The following MYT1 variants were observed in gnomAD, a reference collection of about 807,000 sequenced individuals.
MYT1 encodes myelin transcription factor 1.
Under a neutral mutation model 123.0 loss-of-function variants are expected in MYT1, and 23 were observed. The observed-to-expected ratio is 0.19, with a 90% CI of 0.13 to 0.26. The LOEUF (loss-of-function observed/expected upper bound fraction) is 0.26, where lower values mean the gene tolerates loss of function less well. Ranked by LOEUF, MYT1 falls within the 10% of genes least tolerant of loss-of-function variation. The probability of loss-of-function intolerance (pLI) is 1.00; values close to 1 mark genes in which losing one functional copy is unlikely to be tolerated. For synonymous variants in MYT1, 518 were observed against 575.3 expected (o/e 0.90, Z 1.43); for missense variants, 1,125 against 1,472.5 (o/e 0.76, Z 3.86).
chr20:64,189,610 C>T lies in MYT1; in HGVS notation c.-98-453C>T, dbSNP rs1276669131. Among the ~76,000 whole-genome samples the T allele has an allele frequency of 6.6e-6, 1 of 152,214 alleles. No homozygotes were observed. Among genetic ancestry groups the T allele is most frequent in the Non-Finnish European group, 1.5e-5 (1 of 68,040 alleles). On this transcript the variant is annotated intron_variant, in intron 1 of 22. Transcript: ENST00000328439. The surrounding 1 kb of genome is among the most constrained non-coding windows in gnomAD (Gnocchi z 5.5). Reference sequence around the variant, plus strand: ...TGGGCTCCAGAGAAGTCGTGCAAAACAATCTTCTTTTTCAAATGCATATGT... The same window carrying T: ...TGGGCTCCAGAGAAGTCGTGCAAAATAATCTTCTTTTTCAAATGCATATGT...
intron 12 of MYT1, 58 bp from the exon 13 acceptor site, chr20:64,219,655 A>G (rs1054257603): frequency 2.1e-6 from 3 of 1,453,308 alleles, no homozygotes; most frequent in Non-Finnish European, 2.9e-6. Context: ...CAAATGGACC[A>G]GAAGGCACAC....
Position 64,213,396 on chromosome 20 carries a change from G to C in MYT1, c.1518-138G>C, listed in dbSNP as rs185764071. ...CTGCAGAATGACAGGGTTATTCCCG[G>C]CTCTGGGCTTCTCTGGAGTTCACCT... On this transcript the variant is annotated intron_variant, in intron 9 of 22. Transcript: ENST00000328439. This position sits in a 1 kb window ranked among gnomAD's most constrained non-coding sequence, Gnocchi z 5.6. The C allele has an allele frequency of 1.1e-5, 7 of 636,650 alleles. No homozygotes were observed. The highest frequency in any genetic ancestry group is 1.1e-4 in the East Asian group (4 of 36,606). The allele number at this position is 636,650 out of a possible 1,614,324, so 39.4% of individuals were successfully genotyped here.
At position 64,232,204 on chromosome 20, in the gene MYT1, G is replaced by A. The variant is rs1435997695; in HGVS notation, c.2716G>A (p.Gly906Arg). ...PGCVGLGHIS[G>R]KYASHRSASG... Reference sequence around the variant, plus strand: ...CTGTGTGGGGCTCGGTCACATCAGCGGGAAATACGCCTCTCACAGGAGCGC... The same window carrying A: ...CTGTGTGGGGCTCGGTCACATCAGCAGGAAATACGCCTCTCACAGGAGCGC... The change falls in exon 19 of 23, where the codon GGG becomes AGG. Residue 906 changes from glycine to arginine, a missense_variant. This residue lies in a region of MYT1 where 243 missense variants were observed against 323.1 expected (regional missense o/e 0.75). Transcript: ENST00000328439. The surrounding 1 kb of genome is among the most constrained non-coding windows in gnomAD (Gnocchi z 6.9). 6 of 1,612,458 alleles carry A rather than the reference G, an allele frequency of 3.7e-6. No homozygotes were observed. The highest frequency in any genetic ancestry group is 1.3e-5 in the African/African-American group (1 of 74,712).
intron 19 of MYT1, among the ~76,000 whole-genome samples, chr20:64,234,925 G>A (rs1486200784): frequency 1.3e-5 from 2 of 148,832 alleles, no homozygotes; most frequent in Non-Finnish European, 3.0e-5. Flanking sequence ...GTGACCCTTG[G>A]CTGGCCATGG....
chr20:64,179,933 C>T (rs1982590358), intron 1 of MYT1, among the ~76,000 whole-genome samples: 1 of 49,032 alleles, frequency 2.0e-5, no homozygotes, highest in Admixed American at 3.0e-4. Context: ...TACACACATG[C>T]TACACACACA....
intron 7 of MYT1, among the ~76,000 whole-genome samples, chr20:64,209,531 C>G (rs969382808): frequency 6.6e-6 from 1 of 152,152 alleles, no homozygotes; most frequent in Admixed American, 6.5e-5. Flanking sequence ...AGTGGGAGTT[C>G]TTGGTGCTCT....
Position 64,205,101 on chromosome 20 carries a change from A to G in MYT1, c.149+4A>G, listed in dbSNP as rs200531229. 1.1e-5 allele frequency: 17 copies of G among 1,614,000 alleles called. No individual in the cohort carries two copies. The East Asian group carries it at 3.8e-4, about 36-fold the overall frequency. ...GCAAGTACTCCAGGCACCGAAGGTA[A>G]GAGGACCCTTGGATCTCACGGAGAT... On this transcript the variant is annotated splice_donor_region_variant and intron_variant, in intron 5 of 22. Transcript: ENST00000328439.
chr20:64,173,519 CTTCTCCTCCT>C (rs1398196577), intron 1 of MYT1, among the ~76,000 whole-genome samples: 18 of 128,140 alleles, frequency 1.4e-4, no homozygotes, highest in Non-Finnish European at 2.7e-4. Context: ...CCCTCCCTGA[CTTCTCCTCCT>C]GCAGCATCCT....
At chr20:64,171,099 A>C (rs1213428762) in intron 1 of MYT1, among the ~76,000 whole-genome samples, 1 of 146,776 alleles carries the variant, frequency 6.8e-6, no homozygotes, top group East Asian at 2.0e-4. Context: ...TTTTTTTTTT[A>C]ACAGAGATGG....
In MYT1 at chr20:64,196,830, C is replaced by T. The variant is rs1254579774; in HGVS notation, c.1-2032C>T. Among the ~76,000 whole-genome samples, 2 of 152,172 alleles carry T rather than the reference C, an allele frequency of 1.3e-5. No homozygotes were observed. The highest frequency in any genetic ancestry group is 2.4e-5 in the African/African-American group (1 of 41,428). On this transcript the variant is annotated intron_variant, in intron 2 of 22. Transcript: ENST00000328439. This position sits in a 1 kb window ranked among gnomAD's most constrained non-coding sequence, Gnocchi z 4.3. ...TTTATCTGCAGGAAATCCAAATTGCCAAGGCACGCTTTAACCTAGCAGAAT... is the reference window on the plus strand; with the variant it reads ...TTTATCTGCAGGAAATCCAAATTGCTAAGGCACGCTTTAACCTAGCAGAAT...
rs1983004754 is a variant in MYT1, at chr20:64,192,821, C to G, written c.-1+2661C>G. On this transcript the variant is annotated intron_variant, in intron 2 of 22. Transcript: ENST00000328439. This position sits in a 1 kb window ranked among gnomAD's most constrained non-coding sequence, Gnocchi z 5.3. ...ACAGAGGCTCCTGCAAGGGAAGGAG[C>G]TGCCACTGGGTATGGCCCTTCTGGC... Among the ~76,000 whole-genome samples, 1 of 152,254 alleles carries G rather than the reference C, an allele frequency of 6.6e-6. No individual in the cohort carries two copies. Among genetic ancestry groups the G allele is most frequent in the Non-Finnish European group, 1.5e-5 (1 of 68,040 alleles).
At position 64,196,265 on chromosome 20, in the gene MYT1, A is replaced by G. The variant is rs1983116132; in HGVS notation, c.1-2597A>G. On this transcript the variant is annotated intron_variant, in intron 2 of 22. Transcript: ENST00000328439. The surrounding 1 kb of genome is among the most constrained non-coding windows in gnomAD (Gnocchi z 4.3). ...AGCTGTCATTGTGTGGTGGGGGCAG[A>G]AGGTCTGGGGGGCTGCCGTCCAGGG... is the stretch of plus-strand genomic sequence containing the variant. 6.6e-6 allele frequency among the ~76,000 whole-genome samples: 1 copy of G among 151,650 alleles called. No individual in the cohort carries two copies. Among genetic ancestry groups the G allele is most frequent in the African/African-American group, 2.4e-5 (1 of 41,310 alleles).
intron 1 of MYT1, among the ~76,000 whole-genome samples, chr20:64,170,002 A>G (rs1465119668): frequency 7.2e-6 from 1 of 139,130 alleles, no homozygotes; most frequent in African/African-American, 2.6e-5. Context: ...CCAGGCTGCC[A>G]TGGAGGCTGC....
In MYT1 at chr20:64,212,753, C is replaced by T. The variant is rs940849060; in HGVS notation, c.1517+615C>T. Among the ~76,000 whole-genome samples the T allele has an allele frequency of 1.3e-5, 2 of 151,912 alleles. No homozygotes were observed. The highest frequency in any genetic ancestry group is 3.2e-3 in the Middle Eastern group (1 of 316). On this transcript the variant is annotated intron_variant, in intron 9 of 22. Transcript: ENST00000328439. This position sits in a 1 kb window ranked among gnomAD's most constrained non-coding sequence, Gnocchi z 6.8. The stretch of plus-strand genomic sequence containing the variant: ...AGGCCCAGGTGGAAGTGAAGCTTCC[C>T]GACCACCCTCGAGGTGTAGTTGTTG...
intron 1 of MYT1, among the ~76,000 whole-genome samples, chr20:64,180,134 TAC>T (rs1436359540): frequency 5.4e-5 from 8 of 149,440 alleles, no homozygotes; most frequent in South Asian, 2.1e-4. Context: ...TTATACATGC[TAC>T]ACACACGCTA....
At position 64,212,561 on chromosome 20, in the gene MYT1, T is replaced by C. The variant is rs528502712; in HGVS notation, c.1517+423T>C. 2.0e-5 allele frequency among the ~76,000 whole-genome samples: 3 copies of C among 152,230 alleles called. No individual in the cohort carries two copies. The highest frequency in any genetic ancestry group is 7.2e-5 in the African/African-American group (3 of 41,536). The stretch of plus-strand genomic sequence containing the variant: ...AGAGGAGGGAGCAATGCACCCTCTG[T>C]GAAGAGAGGTACAACAACCATGTGA... On this transcript the variant is annotated intron_variant, in intron 9 of 22. Coordinates refer to ENST00000328439, the MANE Select transcript of MYT1 (RefSeq NM_004535.3). This position sits in a 1 kb window ranked among gnomAD's most constrained non-coding sequence, Gnocchi z 6.8.
intron 12 of MYT1, 140 bp from the exon 13 acceptor site, chr20:64,219,573 C>T (rs1983935559): frequency 1.2e-5 from 9 of 740,350 alleles, no homozygotes; most frequent in East Asian, 5.4e-5. Context: ...TTTTCCCTCT[C>T]GCTGCCTGTC....
At chr20:64,227,321 G>A in intron 16 of MYT1, 94 bp from the exon 17 acceptor site, 1 of 1,198,248 alleles carries the variant, frequency 8.3e-7, no homozygotes, top group Non-Finnish European at 1.2e-6. Flanking sequence ...CTCAAGGGCT[G>A]AGCCCAGAAG....
In MYT1 at chr20:64,207,913, C is replaced by A; in HGVS notation, c.717C>A (p.Ser239=). 6.2e-7 allele frequency: 1 copy of A among 1,612,286 alleles called. No homozygotes were observed. The highest frequency in any genetic ancestry group is 8.5e-7 in the Non-Finnish European group (1 of 1,179,512). The change falls in exon 7 of 23, where the codon TCC becomes TCA. Residue 239 remains serine, a synonymous_variant. Coordinates refer to ENST00000328439, the MANE Select transcript of MYT1 (RefSeq NM_004535.3). The stretch of plus-strand genomic sequence containing the variant: ...GCTCCCAGGACCTGTGTCCCCAGTC[C>A]CTGGAGGATGCAGCCAGTGAGGAGT... ...TERSQDLCPQ[S]LEDAASEESS... is the part of the protein sequence containing the mutation.
Sources: gnomAD v4.1 joint callset for allele counts (sites outside exome capture counted in the v4.1 genomes callset) on GRCh38, gnomAD v4.1.1 for gene constraint, gnomAD v4.1.1 regional missense constraint, Gnocchi (gnomAD v3.1) non-coding constraint, MANE v1.5 for transcripts, NCBI Gene and HGNC (gene_info 2026-07-23, HGNC 2026-07-21) for gene names.